PLXNA2: variants seen among roughly 807,000 people sequenced by gnomAD.
PLXNA2 encodes the protein plexin A2.
PLXNA2 carries 91 observed loss-of-function variants against 193.5 expected under a neutral mutation model. The ratio of observed to expected loss-of-function variants is 0.47; its 90% CI spans 0.40 to 0.56. The LOEUF (loss-of-function observed/expected upper bound fraction) is 0.56. PLXNA2 is among the 20% of genes least tolerant of loss of function. The pLI is 0.00. For synonymous variants in PLXNA2, 997 were observed against 1,027.3 expected (o/e 0.97, Z 0.56); for missense variants, 1,995 against 2,503.2 (o/e 0.80, Z 4.33).
intron 13 of PLXNA2, among the ~76,000 whole-genome samples, chr1:208,060,311 C>T (rs569206916): frequency 1.4e-4 from 21 of 152,336 alleles, no homozygotes; most frequent in African/African-American, 3.8e-4. Flanking sequence ...CAGAGCCCCA[C>T]GCACCAAACA....
chr1:208,108,087 G>A (rs1036143217), intron 4 of PLXNA2, among the ~76,000 whole-genome samples: 11 of 152,238 alleles, frequency 7.2e-5, no homozygotes, highest in African/African-American at 2.6e-4. Context: ...CTGATTCAGC[G>A]GGGCTGAAGA....
chr1:208,051,345 G>A lies in PLXNA2; in HGVS notation c.3072C>T (p.Val1024=), dbSNP rs775097684. 31 of 1,613,442 alleles carry A rather than the reference G, an allele frequency of 1.9e-5. No individual in the cohort carries two copies. In the African/African-American group the frequency reaches 2.8e-4, roughly 15 times the overall value. ...GGTTGCTATCCACATGGGCTCGGTC[G>A]ACACTCACAGAAACAGGGACCGGGC... ...GLGPVPVSVS[V]DRAHVDSNLQ... Residue 1024 remains valine, a synonymous_variant, in exon 16 of 32, where the codon GTC becomes GTT. Transcript: ENST00000367033.
Position 208,131,946 on chromosome 1 carries a change from C to T in PLXNA2, c.1506+10383G>A, listed in dbSNP as rs78022475. Among the ~76,000 whole-genome samples the T allele has an allele frequency of 1.1e-3, 165 of 152,216 alleles. No homozygotes were observed. The Middle Eastern group carries it at 0.017, about 16-fold the overall frequency. ...GTCATAGACACACCTAGCTCAGATC[C>T]CTCAACATTGCTGCACCTGGCCTTC... is the stretch of plus-strand genomic sequence containing the variant. On this transcript the variant is annotated intron_variant, in intron 4 of 31. Coordinates refer to ENST00000367033, the MANE Select transcript of PLXNA2 (RefSeq NM_025179.4).
intron 3 of PLXNA2, among the ~76,000 whole-genome samples, chr1:208,174,929 T>C (rs1034335588): frequency 3.3e-5 from 5 of 152,188 alleles, no homozygotes; most frequent in Non-Finnish European, 7.4e-5. Flanking sequence ...GGAAATCGGA[T>C]TTGGCCCCTG....
Position 208,042,143 on chromosome 1 carries a change from T to C in PLXNA2, c.4241A>G (p.Asp1414Gly). The C allele has an allele frequency of 1.9e-6, 3 of 1,614,178 alleles. No homozygotes were observed. The highest frequency in any genetic ancestry group is 2.5e-6 in the Non-Finnish European group (3 of 1,180,020). The change falls in exon 22 of 32, where the codon GAT (aspartate) becomes GGT (glycine). Residue 1414 changes from aspartate to glycine, a missense_variant. Asp to Gly is a moderately conservative substitution (Grantham distance 94, BLOSUM62 -1). Transcript: ENST00000367033. The stretch of plus-strand genomic sequence containing the variant: ...GTGGTTCTTGTTCTCCAGGTTCTTA[T>C]CGATGAGGTCAGAGAGCAGCTGCTT... Reference protein sequence around the residue: ...VLKQLLSDLIDKNLENKNHPK... With the variant: ...VLKQLLSDLIGKNLENKNHPK...
intron 4 of PLXNA2, among the ~76,000 whole-genome samples, chr1:208,137,360 T>G (rs897149991): frequency 6.6e-6 from 1 of 152,258 alleles, no homozygotes; most frequent in African/African-American, 2.4e-5. Flanking sequence ...CCATCCACCC[T>G]GTGTATAGAT....
rs34577290 is a variant in PLXNA2, at chr1:208,026,652, C to CTTTTTT, written c.*585_*590dup. 7.1e-6 allele frequency: 1 copy of CTTTTTT among 140,812 alleles called. No individual in the cohort carries two copies. 8.7% of individuals were successfully genotyped at this position (140,812 alleles called of 1,614,324 possible). On this transcript the variant is annotated 3_prime_UTR_variant, in exon 32 of 32. Transcript: ENST00000367033. ...TCATCATTCTTCTTCTCCTCTTTCT[C>CTTTTTT]TTTTTTTTTTTTTTTTTAATTTCAA...
chr1:208,096,220 C>G (rs1666881645), intron 7 of PLXNA2, 95 bp from the exon 8 acceptor site: 2 of 907,054 alleles, frequency 2.2e-6, no homozygotes, highest in African/African-American at 3.3e-5. Flanking sequence ...GAAGCCACCA[C>G]AGGGCTCTCT....
At chr1:208,123,519 T>C (rs1410901321) in intron 4 of PLXNA2, among the ~76,000 whole-genome samples, 2 of 152,192 alleles carry the variant, frequency 1.3e-5, no homozygotes, top group African/African-American at 2.4e-5. Flanking sequence ...GAAAATGAAA[T>C]AGGCTCCAAG....
At chr1:208,078,538 A>C (rs1666232435) in intron 12 of PLXNA2, among the ~76,000 whole-genome samples, 1 of 152,146 alleles carries the variant, frequency 6.6e-6, no homozygotes. Context: ...CACCACCAGG[A>C]AAGTGCAGTT....
chr1:208,217,696 T>C lies in PLXNA2; in HGVS notation c.227A>G (p.Asn76Ser), dbSNP rs1430621647. 43 of 1,614,180 alleles carry C rather than the reference T, an allele frequency of 2.7e-5. No homozygotes were observed. Among genetic ancestry groups the C allele is most frequent in the Non-Finnish European group, 3.6e-5 (42 of 1,180,030 alleles). The change falls in exon 2 of 32, where the codon AAC becomes AGC. Residue 76 changes from asparagine to serine, a missense_variant. Asn to Ser is a conservative substitution (Grantham distance 46, BLOSUM62 1). Transcript: ENST00000367033. The surrounding 1 kb of genome is among the most constrained non-coding windows in gnomAD (Gnocchi z 4.7). ...CTTATGAGCCACCTGGATGGTCAGG[T>C]TGCCTGTCAGCTTATAGACCCGGTT... ...AINRVYKLTG[N>S]LTIQVAHKTG...
intron 2 of PLXNA2, among the ~76,000 whole-genome samples, chr1:208,213,241 A>G (rs1242353378): frequency 6.6e-6 from 1 of 151,938 alleles, no homozygotes; most frequent in Non-Finnish European, 1.5e-5. Context: ...GTTGTTTTTC[A>G]ATATATTGTT....
chr1:208,152,890 CA>C (rs1343211997), intron 3 of PLXNA2, among the ~76,000 whole-genome samples: 3 of 151,924 alleles, frequency 2.0e-5, no homozygotes, highest in African/African-American at 4.8e-5. Context: ...AACCATCCTT[CA>C]AGGCCTTATC....
chr1:208,157,220 C>G (rs565097444), intron 3 of PLXNA2, among the ~76,000 whole-genome samples: 1 of 152,204 alleles, frequency 6.6e-6, no homozygotes, highest in Non-Finnish European at 1.5e-5. Flanking sequence ...CAGGCCAAAT[C>G]TCATGCTGGA....
Position 208,028,271 on chromosome 1 carries a change from C to G in PLXNA2, c.5439-112G>C, listed in dbSNP as rs888654529. On this transcript the variant is annotated intron_variant, in intron 30 of 31. Coordinates refer to ENST00000367033, the MANE Select transcript of PLXNA2 (RefSeq NM_025179.4). The surrounding 1 kb of genome is among the most constrained non-coding windows in gnomAD (Gnocchi z 4.2). The stretch of plus-strand genomic sequence containing the variant: ...TGATGTACCCAGTTGCTCCTGCCTC[C>G]CTATTTCTCTTCTGATGTGGCTTCC... 1 of 977,272 alleles carries G rather than the reference C, an allele frequency of 1.0e-6. No homozygotes were observed. Among genetic ancestry groups the G allele is most frequent in the African/African-American group, 1.7e-5 (1 of 60,260 alleles). 60.5% of individuals were successfully genotyped at this position (977,272 alleles called of 1,614,324 possible).
intron 22 of PLXNA2, among the ~76,000 whole-genome samples, chr1:208,040,469 G>C (rs1275374933): frequency 1.3e-5 from 2 of 152,138 alleles, no homozygotes; most frequent in Non-Finnish European, 2.9e-5. Flanking sequence ...GCATGTGTGA[G>C]TACCCTGTTT....
Position 208,052,384 on chromosome 1 carries a change from A to G in PLXNA2, c.2936T>C (p.Leu979Pro). ...GTMVTITGHYLGAGSSVAVYL... is the reference protein window; with the variant it reads ...GTMVTITGHYPGAGSSVAVYL... ...GACTGCCACGCTGCTCCCAGCCCCAAGGTAATGGCCGGTAATGGTCACCAT... is the reference window on the plus strand; with the variant it reads ...GACTGCCACGCTGCTCCCAGCCCCAGGGTAATGGCCGGTAATGGTCACCAT... Residue 979 changes from leucine to proline, a missense_variant, in exon 15 of 32, where the codon CTT becomes CCT. Around this residue, in one of 3 missense-constraint regions of PLXNA2, gnomAD observed 1,291 missense variants for 1,673.6 expected, o/e 0.77. Transcript: ENST00000367033. 1.2e-6 allele frequency: 2 copies of G among 1,614,050 alleles called. No homozygotes were observed. Among genetic ancestry groups the G allele is most frequent in the Non-Finnish European group, 1.7e-6 (2 of 1,180,014 alleles).
chr1:208,182,948 T>G (rs954076784), intron 3 of PLXNA2, among the ~76,000 whole-genome samples: 1 of 152,160 alleles, frequency 6.6e-6, no homozygotes. Flanking sequence ...GGAATCAAGC[T>G]GGGGCTGCCA....
intron 20 of PLXNA2, 148 bp from the exon 21 acceptor site, chr1:208,043,351 C>T (rs149928195): frequency 3.1e-6 from 2 of 651,830 alleles, no homozygotes; most frequent in East Asian, 5.5e-5. Context: ...GGCGGGGCTA[C>T]TCCCAGCTGT....
Sources: allele counts gnomAD v4.1 joint callset (sites outside exome capture counted in the v4.1 genomes callset), GRCh38; gene constraint gnomAD v4.1.1; regional missense constraint gnomAD v4.1.1; non-coding constraint Gnocchi (gnomAD v3.1); transcripts MANE v1.5; gene names NCBI Gene and HGNC (gene_info 2026-07-23, HGNC 2026-07-21).